The following DIAPH2 variants were observed in gnomAD, a reference collection of about 807,000 sequenced individuals.
DIAPH2 encodes protein diaphanous homolog 2.
In DIAPH2, 35 loss-of-function variants were observed where a neutral mutation model predicts 92.7. The observed-to-expected ratio is 0.38, with a 90% CI of 0.29 to 0.50. The LOEUF (loss-of-function observed/expected upper bound fraction) is 0.50. Ranked by LOEUF, DIAPH2 falls within the 20% of genes least tolerant of loss-of-function variation. The pLI is 0.94. For synonymous variants in DIAPH2, 301 were observed against 280.4 expected (o/e 1.07, Z -0.73); for missense variants, 701 against 819.5 (o/e 0.86, Z 1.77).
At chrX:97,577,887 A>T (rs1456870243) in intron 26 of DIAPH2, among the ~76,000 whole-genome samples, 1 of 111,691 alleles carries the variant, frequency 9.0e-6, no homozygotes, top group Non-Finnish European at 1.9e-5. Flanking sequence ...TTTAGTGTGA[A>T]TCTGTTCACT....
chrX:97,326,648 G>C (rs770276282), intron 23 of DIAPH2, among the ~76,000 whole-genome samples: 14 of 112,594 alleles, frequency 1.2e-4, no homozygotes, highest in Non-Finnish European at 1.7e-4. Context: ...TTTCAGCCAA[G>C]TAGCATCAAA....
At chrX:97,209,129 C>G (rs1395803854) in intron 22 of DIAPH2, among the ~76,000 whole-genome samples, 1 of 110,773 alleles carries the variant, frequency 9.0e-6, no homozygotes, top group Non-Finnish European at 1.9e-5. Context: ...CATTTTCTGT[C>G]TTCATGTATC....
At chrX:97,509,170 C>T (rs1438810406) in intron 26 of DIAPH2, among the ~76,000 whole-genome samples, 2 of 109,527 alleles carry the variant, frequency 1.8e-5, no homozygotes, top group African/African-American at 6.6e-5. Context: ...CCTCAGCCTC[C>T]TGAGTAGCTG....
At chrX:97,555,421 T>G in intron 26 of DIAPH2, 1 of 748,804 alleles carries the variant, frequency 1.3e-6, no homozygotes, top group South Asian at 6.8e-5. Flanking sequence ...CTTATTTCAC[T>G]CTACAGTTTT....
chrX:97,142,547 A>G (rs984286595), intron 22 of DIAPH2, among the ~76,000 whole-genome samples: 8 of 111,413 alleles, frequency 7.2e-5, no homozygotes, highest in African/African-American at 2.6e-4. Flanking sequence ...CATTGAAGGG[A>G]TAGAATAGAC....
intron 22 of DIAPH2, among the ~76,000 whole-genome samples, chrX:97,185,465 A>ATG (rs1569323331): frequency 1.9e-4 from 6 of 30,863 alleles, no homozygotes; most frequent in African/African-American, 4.2e-4. Flanking sequence ...GTATATATAT[A>ATG]TATATACACA....
chrX:97,283,800 G>A (rs752856794), intron 23 of DIAPH2, among the ~76,000 whole-genome samples: 18 of 112,040 alleles, frequency 1.6e-4, no homozygotes, highest in African/African-American at 5.5e-4. Context: ...AAATTAGCCA[G>A]ATGTGGTGGC....
chrX:97,074,145 G>A (rs759339801), intron 18 of DIAPH2, among the ~76,000 whole-genome samples: 3 of 112,162 alleles, frequency 2.7e-5, no homozygotes, highest in East Asian at 2.8e-4. Flanking sequence ...GGTGGCTCAC[G>A]CCTATAATCT....
intron 22 of DIAPH2, among the ~76,000 whole-genome samples, chrX:97,195,998 G>A (rs1258421233): frequency 1.3e-4 from 14 of 111,409 alleles, no homozygotes; most frequent in Non-Finnish European, 2.3e-4. Context: ...CAAAATAAAA[G>A]CATTCTTTGC....
intron 26 of DIAPH2, among the ~76,000 whole-genome samples, chrX:97,491,255 G>A (rs1390171174): frequency 2.7e-5 from 3 of 111,153 alleles, no homozygotes; most frequent in African/African-American, 9.8e-5. Context: ...CCATTTGTGT[G>A]GAATATCTTT....
At chrX:97,221,530 C>A (rs1371913045) in intron 22 of DIAPH2, among the ~76,000 whole-genome samples, 3 of 111,549 alleles carry the variant, frequency 2.7e-5, no homozygotes, top group Non-Finnish European at 5.6e-5. Context: ...TCCAAATCTT[C>A]GGAGAGTCCA....
chrX:96,850,936 T>G (rs1345497940), intron 4 of DIAPH2, among the ~76,000 whole-genome samples: 1 of 111,990 alleles, frequency 8.9e-6, no homozygotes, highest in Non-Finnish European at 1.9e-5. Context: ...TTCTAAGATT[T>G]GGCAATGGAG....
At chrX:97,463,057 G>A (rs1343030712) in intron 26 of DIAPH2, among the ~76,000 whole-genome samples, 4 of 110,939 alleles carry the variant, frequency 3.6e-5, no homozygotes, top group Non-Finnish European at 5.7e-5. Context: ...ATTCAGGGCA[G>A]GATGTATTAT....
intron 22 of DIAPH2, among the ~76,000 whole-genome samples, chrX:97,163,683 C>G (rs1198374309): frequency 8.9e-6 from 1 of 112,049 alleles, no homozygotes; most frequent in Non-Finnish European, 1.9e-5. Context: ...GTTCCAGCTC[C>G]TCATGTACAA....
At chrX:96,947,909 C>T (rs2081751557) in intron 14 of DIAPH2, among the ~76,000 whole-genome samples, 1 of 112,112 alleles carries the variant, frequency 8.9e-6, no homozygotes, top group South Asian at 3.7e-4. Flanking sequence ...TTTGTGCCTG[C>T]TTAGAGCCCT....
At chrX:96,763,221 A>G (rs2064279887) in intron 4 of DIAPH2, 2 of 550,918 alleles carry the variant, frequency 3.6e-6, no homozygotes, top group African/African-American at 2.4e-5. Context: ...CTTTTGGTAT[A>G]TATTTTACCA....
rs769067046 is a variant in DIAPH2, at chrX:97,373,603, C to CTTT, written c.3010-10287_3010-10285dup. ...TTCAAGCAGAGACTTAAGGGAGATA[C>CTTT]TTTTTTTTTTTTTTTTTTTTTGAGA... is the stretch of plus-strand genomic sequence containing the variant. On this transcript the variant is annotated intron_variant, in intron 24 of 26. Coordinates refer to ENST00000324765, the MANE Select transcript of DIAPH2 (RefSeq NM_006729.5). 1.4e-3 allele frequency among the ~76,000 whole-genome samples: 100 copies of CTTT among 71,527 alleles called. 3 individuals carry two copies. The highest frequency in any genetic ancestry group is 2.5e-3 in the Non-Finnish European group (94 of 37,329). The allele number at this position is 71,527 out of a possible 115,157, so 62.1% of individuals were successfully genotyped here.
intron 26 of DIAPH2, among the ~76,000 whole-genome samples, chrX:97,535,771 G>C (rs1332459305): frequency 3.6e-5 from 4 of 111,864 alleles, no homozygotes; most frequent in Non-Finnish European, 7.5e-5. Flanking sequence ...TTAAATACTT[G>C]GTAAAGAATA....
rs561810472 is a variant in DIAPH2 at position 96,867,498 on chromosome X, G to A, written c.448-14081G>A. On this transcript the variant is annotated intron_variant, in intron 4 of 26. Coordinates refer to ENST00000324765, the MANE Select transcript of DIAPH2 (RefSeq NM_006729.5). The stretch of plus-strand genomic sequence containing the variant: ...GCCTCCCAAAGTGTTGAGATTACAA[G>A]CGTGAGCCACCGCACCTGGCCAGAT... 2.3e-4 allele frequency among the ~76,000 whole-genome samples: 26 copies of A among 111,667 alleles called. No homozygotes were observed. The South Asian group carries it at 9.7e-3, about 42-fold the overall frequency.
Sources: gnomAD v4.1 joint callset for allele counts (sites outside exome capture counted in the v4.1 genomes callset) on GRCh38, gnomAD v4.1.1 for gene constraint, MANE v1.5 for transcripts, NCBI Gene and HGNC (gene_info 2026-07-23, HGNC 2026-07-21) for gene names.